CNTNAP5: variants seen among roughly 807,000 people sequenced by gnomAD.
The protein encoded by CNTNAP5 is contactin associated protein family member 5, also known as contactin-associated protein-like 5.
Under a neutral mutation model 150.2 loss-of-function variants are expected in CNTNAP5, and 72 were observed. That is an observed-to-expected ratio of 0.48 (90% CI 0.40 to 0.58). The LOEUF is 0.58. CNTNAP5 is among the 20% of genes least tolerant of loss of function. The pLI is 0.00. For missense variants in CNTNAP5, 1,636 were observed against 1,626.2 expected (o/e 1.01, Z -0.10); for synonymous variants, 672 against 619.8 (o/e 1.08, Z -1.25).
chr2:124,210,791 CTTTT>C (rs1685987484), intron 1 of CNTNAP5, among the ~76,000 whole-genome samples: 1 of 152,122 alleles, frequency 6.6e-6, no homozygotes, highest in Non-Finnish European at 1.5e-5. Context: ...GAATTTCCTT[CTTTT>C]TAAGTTTATA....
chr2:124,130,686 C>A (rs952261854), intron 1 of CNTNAP5, among the ~76,000 whole-genome samples: 2 of 151,920 alleles, frequency 1.3e-5, no homozygotes, highest in Non-Finnish European at 2.9e-5. Flanking sequence ...TAACTGTGAG[C>A]CCCAAACTCA....
chr2:124,833,067 T>C (rs573858380), intron 19 of CNTNAP5, among the ~76,000 whole-genome samples: 1 of 151,746 alleles, frequency 6.6e-6, no homozygotes, highest in Non-Finnish European at 1.5e-5. Context: ...ACACCACCAC[T>C]CCCAGCTAAT....
At position 124,617,396 on chromosome 2, in the gene CNTNAP5, G is replaced by C. The variant is rs1340021066; in HGVS notation, c.1876+7476G>C. On this transcript the variant is annotated intron_variant, in intron 12 of 23. Transcript: ENST00000682447. Reference sequence around the variant, plus strand: ...AAACCTGTAGGGTGAATCTCTTCTTGCCACTTCCTAGCTTTTGATGGTTTG... The same window carrying C: ...AAACCTGTAGGGTGAATCTCTTCTTCCCACTTCCTAGCTTTTGATGGTTTG... 3.9e-5 allele frequency among the ~76,000 whole-genome samples: 6 copies of C among 152,150 alleles called. 1 individual carries two copies. The highest frequency in any genetic ancestry group is 1.4e-4 in the African/African-American group (6 of 41,502).
At chr2:124,146,097 A>G (rs2104625286) in intron 1 of CNTNAP5, among the ~76,000 whole-genome samples, 1 of 152,246 alleles carries the variant, frequency 6.6e-6, no homozygotes, top group South Asian at 2.1e-4. Flanking sequence ...CTGCTAACAA[A>G]GAGAAAGGGA....
At chr2:124,193,965 T>G (rs1313167724) in intron 1 of CNTNAP5, among the ~76,000 whole-genome samples, 2 of 152,074 alleles carry the variant, frequency 1.3e-5, no homozygotes, top group Admixed American at 1.3e-4. Context: ...TGAGCTGGTT[T>G]TATTGCTGTC....
intron 19 of CNTNAP5, among the ~76,000 whole-genome samples, chr2:124,853,174 G>C (rs1289599251): frequency 6.6e-6 from 1 of 152,222 alleles, no homozygotes; most frequent in African/African-American, 2.4e-5. Flanking sequence ...TGGTGGTCCA[G>C]AGTCTGGATC....
chr2:124,342,722 A>G (rs144933156), intron 3 of CNTNAP5, among the ~76,000 whole-genome samples: 4 of 152,314 alleles, frequency 2.6e-5, no homozygotes, highest in Admixed American at 2.0e-4. Context: ...TCTGTTCACA[A>G]AAGTACACAT....
chr2:124,058,826 A>T (rs547493324), intron 1 of CNTNAP5, among the ~76,000 whole-genome samples: 1 of 152,046 alleles, frequency 6.6e-6, no homozygotes, highest in African/African-American at 2.4e-5. Context: ...CTTGCATGGG[A>T]GGTTTTTATC....
chr2:124,622,951 A>G (rs1477822193), intron 12 of CNTNAP5, among the ~76,000 whole-genome samples: 1 of 152,208 alleles, frequency 6.6e-6, no homozygotes, highest in East Asian at 1.9e-4. Context: ...ATGATGAAGT[A>G]GCTGGAATAA....
chr2:124,347,471 T>C (rs546029101), intron 3 of CNTNAP5, among the ~76,000 whole-genome samples: 1 of 152,278 alleles, frequency 6.6e-6, no homozygotes, highest in South Asian at 2.1e-4. Flanking sequence ...GAAGGACACG[T>C]CTGAGAGCAC....
At chr2:124,213,703 G>A (rs1176064220) in intron 1 of CNTNAP5, among the ~76,000 whole-genome samples, 1 of 152,002 alleles carries the variant, frequency 6.6e-6, no homozygotes, top group Non-Finnish European at 1.5e-5. Flanking sequence ...AAAGTGAAAA[G>A]AATAAAGCAA....
chr2:124,510,445 AAAAC>A (rs1449118751), intron 8 of CNTNAP5, among the ~76,000 whole-genome samples: 5 of 139,096 alleles, frequency 3.6e-5, no homozygotes, highest in Admixed American at 2.9e-4. Context: ...CTCCATCAAA[AAAAC>A]AAACAAAAAA....
intron 1 of CNTNAP5, 71 bp from the exon 2 acceptor site, chr2:124,221,634 C>A (rs1286476727): frequency 1.3e-5 from 13 of 1,016,014 alleles, no homozygotes; most frequent in Non-Finnish European, 2.0e-5. Context: ...AATTTCTCAA[C>A]TTCTCTTCTT....
intron 21 of CNTNAP5, among the ~76,000 whole-genome samples, chr2:124,897,081 A>G (rs879631150): frequency 1.3e-5 from 2 of 151,600 alleles, no homozygotes; most frequent in Non-Finnish European, 2.9e-5. Context: ...GTGTTTCTCA[A>G]AATGTGTTCC....
chr2:124,646,500 A>C (rs1357011979), intron 12 of CNTNAP5, among the ~76,000 whole-genome samples: 1 of 152,200 alleles, frequency 6.6e-6, no homozygotes, highest in Admixed American at 6.5e-5. Flanking sequence ...ATTCCTTTTC[A>C]GCTCTCAGAA....
intron 19 of CNTNAP5, among the ~76,000 whole-genome samples, chr2:124,845,949 C>A (rs778295049): frequency 6.8e-6 from 1 of 147,246 alleles, no homozygotes; most frequent in Non-Finnish European, 1.5e-5. Flanking sequence ...TTTTTTTTTT[C>A]ATCTATCTTC....
In CNTNAP5 at chr2:124,324,948, C is replaced by T. The variant is rs949138489; in HGVS notation, c.381+82555C>T. 2.0e-5 allele frequency among the ~76,000 whole-genome samples: 3 copies of T among 152,164 alleles called. 1 individual carries two copies. The South Asian group carries it at 6.2e-4, about 31-fold the overall frequency. The stretch of plus-strand genomic sequence containing the variant: ...ACGGTTTGTGAAATGCTCTTTTATT[C>T]TAGCTCTAAGTAGAAGAGTTTCACA... On this transcript the variant is annotated intron_variant, in intron 3 of 23. Transcript: ENST00000682447.
intron 11 of CNTNAP5, among the ~76,000 whole-genome samples, chr2:124,596,896 G>A (rs1251396956): frequency 1.7e-5 from 1 of 60,326 alleles, no homozygotes; most frequent in Non-Finnish European, 3.9e-5. Flanking sequence ...TTATGTAATG[G>A]CCTTCTTTGT....
At chr2:124,284,214 G>T (rs959019) in intron 3 of CNTNAP5, among the ~76,000 whole-genome samples, 121,589 of 152,100 alleles carry the variant, frequency 0.8, 48,743 homozygotes, top group South Asian at 0.89. Context: ...TCAAAACAAT[G>T]TATAAGTTTT....
Sources: allele counts gnomAD v4.1 joint callset (sites outside exome capture counted in the v4.1 genomes callset), GRCh38; gene constraint gnomAD v4.1.1; transcripts MANE v1.5; gene names NCBI Gene and HGNC (gene_info 2026-07-23, HGNC 2026-07-21).